Variants in XKR9 observed in about 807,000 individuals in gnomAD.
The protein encoded by XKR9 is XK-related protein 9.
In XKR9, 32 loss-of-function variants were observed where a neutral mutation model predicts 32.0. The observed-to-expected ratio is 1.00, with a 90% confidence interval of 0.76 to 1.34. The LOEUF is 1.34. Ranked by LOEUF, XKR9 falls within the 40% of genes most tolerant of loss-of-function variation. The pLI is 0.00. For missense variants in XKR9, 546 were observed against 429.7 expected (o/e 1.27, Z -2.39); for synonymous variants, 168 against 143.4 (o/e 1.17, Z -1.22).
At chr8:71,015,458 A>T in the XKR9 span, among the ~76,000 whole-genome samples, 1 of 152,326 alleles carries the variant, frequency 6.6e-6, no homozygotes, top group Non-Finnish European at 1.5e-5. Context: ...GACAGAGTAC[A>T]TGCAGTCCTT....
the XKR9 span, among the ~76,000 whole-genome samples, chr8:70,941,219 A>C: frequency 9.9e-5 from 15 of 151,938 alleles, no homozygotes; most frequent in Non-Finnish European, 1.9e-4. Flanking sequence ...ATAGAATTAT[A>C]TAATATGTAA....
At chr8:71,037,941 A>T in the XKR9 span, among the ~76,000 whole-genome samples, 1 of 152,212 alleles carries the variant, frequency 6.6e-6, no homozygotes, top group East Asian at 1.9e-4. Context: ...ACAAAAACAT[A>T]AAAATGTACA....
the XKR9 span, among the ~76,000 whole-genome samples, chr8:71,054,719 A>G: frequency 2.0e-5 from 3 of 152,176 alleles, no homozygotes; most frequent in Non-Finnish European, 4.4e-5. Flanking sequence ...ATATCCTTAT[A>G]CTTAATATAT....
At chr8:71,030,783 T>C in the XKR9 span, among the ~76,000 whole-genome samples, 18 of 152,340 alleles carry the variant, frequency 1.2e-4, no homozygotes, top group Non-Finnish European at 2.4e-4. Flanking sequence ...GTTTGAATTC[T>C]AAACTCATTG....
At chr8:70,853,872 G>A in the XKR9 span, among the ~76,000 whole-genome samples, 1 of 152,054 alleles carries the variant, frequency 6.6e-6, no homozygotes, top group Non-Finnish European at 1.5e-5. Flanking sequence ...CTTTTTTATG[G>A]CTGCATAGTA....
chr8:70,727,627 T>G (rs1349157317), intron 4 of XKR9, among the ~76,000 whole-genome samples: 1 of 152,058 alleles, frequency 6.6e-6, no homozygotes, highest in Non-Finnish European at 1.5e-5. Context: ...CTTGAACTCC[T>G]TACCTCATGA....
intron 2 of XKR9, among the ~76,000 whole-genome samples, chr8:70,747,996 G>T (rs369193161): frequency 6.6e-6 from 1 of 152,216 alleles, no homozygotes; most frequent in African/African-American, 2.4e-5. Flanking sequence ...TTCTGTTTTT[G>T]ATATTCTTTC....
intron 2 of XKR9, among the ~76,000 whole-genome samples, chr8:70,763,394 T>C (rs1193829354): frequency 3.9e-5 from 6 of 152,178 alleles, no homozygotes; most frequent in Admixed American, 2.0e-4. Context: ...CTCTAAGGTG[T>C]CTGTGAGTTG....
the XKR9 span, among the ~76,000 whole-genome samples, chr8:71,063,834 G>A: frequency 1.3e-5 from 2 of 152,122 alleles, no homozygotes; most frequent in East Asian, 3.9e-4. Flanking sequence ...AAACAAAGTT[G>A]TTTTCAATTC....
chr8:70,880,473 C>T, the XKR9 span, among the ~76,000 whole-genome samples: 3 of 152,202 alleles, frequency 2.0e-5, no homozygotes, highest in East Asian at 3.9e-4. Flanking sequence ...TCTTATACAC[C>T]ATTAACAGAC....
chr8:70,743,659 G>T lies in XKR9; in HGVS notation n.352+36506G>T, dbSNP rs925094726. Among the ~76,000 whole-genome samples the T allele has an allele frequency of 6.6e-5, 10 of 152,158 alleles. No individual in the cohort carries two copies. In the South Asian group the frequency reaches 2.1e-3, roughly 32 times the overall value. ...CATAGTTCACGGTCAGCCTAAAATT[G>T]GGCAGAATTAATATATGAAGTGAGA... is the stretch of plus-strand genomic sequence containing the variant. On this transcript the variant is annotated intron_variant and non_coding_transcript_variant, in intron 2 of 3. Coordinates refer to the XKR9 transcript ENST00000520273.
the XKR9 span, among the ~76,000 whole-genome samples, chr8:70,980,270 A>C: frequency 2.6e-5 from 4 of 152,178 alleles, no homozygotes; most frequent in African/African-American, 7.2e-5. Flanking sequence ...GGCTGCACCC[A>C]CTGTCCAGCC....
At chr8:71,057,775 G>A in the XKR9 span, among the ~76,000 whole-genome samples, 1 of 141,076 alleles carries the variant, frequency 7.1e-6, no homozygotes, top group Admixed American at 7.1e-5. Context: ...AACTCACCAA[G>A]CTGCCCTTTA....
At chr8:70,939,226 A>G in the XKR9 span, among the ~76,000 whole-genome samples, 1 of 152,084 alleles carries the variant, frequency 6.6e-6, no homozygotes, top group South Asian at 2.1e-4. Context: ...GCAATTACTG[A>G]AATATGTCCG....
At chr8:71,020,025 AG>A in the XKR9 span, among the ~76,000 whole-genome samples, 1 of 152,196 alleles carries the variant, frequency 6.6e-6, no homozygotes, top group Non-Finnish European at 1.5e-5. Flanking sequence ...GTCAACTCAG[AG>A]GGCATTCACT....
chr8:70,682,779 C>T (rs1185499119), intron 3 of XKR9, among the ~76,000 whole-genome samples: 1 of 152,180 alleles, frequency 6.6e-6, no homozygotes, highest in African/African-American at 2.4e-5. Flanking sequence ...AGACTTTCTG[C>T]TTAGCTTTTA....
At position 70,700,169 on chromosome 8, in the gene XKR9, T is replaced by C. The variant is rs191358145; in HGVS notation, c.273-6764T>C. ...AGAGTAGTTTGATCGTCTGAAGCCT[T>C]CTTCTCTCAACTCGTCAAAGTCATT... On this transcript the variant is annotated intron_variant, in intron 3 of 4. Coordinates refer to ENST00000408926, the MANE Select transcript of XKR9 (RefSeq NM_001011720.2). 1.5e-3 allele frequency among the ~76,000 whole-genome samples: 226 copies of C among 152,330 alleles called. 1 individual carries two copies. Among genetic ancestry groups the C allele is most frequent in the African/African-American group, 5.1e-3 (211 of 41,578 alleles).
chr8:70,715,077 T>C (rs1017577094), intron 4 of XKR9, among the ~76,000 whole-genome samples: 2 of 152,188 alleles, frequency 1.3e-5, no homozygotes, highest in African/African-American at 2.4e-5. Context: ...GAGAATCGAC[T>C]ATTGTGCCTT....
chr8:70,940,225 G>T, the XKR9 span, among the ~76,000 whole-genome samples: 2 of 151,928 alleles, frequency 1.3e-5, no homozygotes, highest in Non-Finnish European at 2.9e-5. Context: ...CTCTCTCCAG[G>T]TCTGGTCCCA....
Sources: allele counts gnomAD v4.1 joint callset (sites outside exome capture counted in the v4.1 genomes callset), GRCh38; gene constraint gnomAD v4.1.1; transcripts MANE v1.5; gene names NCBI Gene and HGNC (gene_info 2026-07-23, HGNC 2026-07-21).